Variants in CTNNA3 observed in about 807,000 individuals in gnomAD.
The protein encoded by CTNNA3 is catenin alpha 3.
CTNNA3 carries 76 observed loss-of-function variants against 95.7 expected under a neutral mutation model. That is an observed-to-expected ratio of 0.79 (90% CI 0.66 to 0.96). The LOEUF (loss-of-function observed/expected upper bound fraction) is 0.96, where lower values mean the gene tolerates loss of function less well. CTNNA3 is among the 40% of genes least tolerant of loss of function. The pLI, the probability that CTNNA3 is intolerant of heterozygous loss-of-function variation, is 0.00. For synonymous variants in CTNNA3, 431 were observed against 374.4 expected, an observed-to-expected ratio of 1.15 and a Z score of -1.74; for missense variants, 1,191 against 1,089.8, an observed-to-expected ratio of 1.09 and a Z score of -1.31.
chr10:67,424,297 T>C (rs1845840263), intron 5 of CTNNA3, among the ~76,000 whole-genome samples: 1 of 152,160 alleles, frequency 6.6e-6, no homozygotes, highest in Non-Finnish European at 1.5e-5. Flanking sequence ...AGGCTTTCAA[T>C]TCAATCCTCT....
chr10:67,233,867 G>T lies in CTNNA3; in HGVS notation c.580-13997C>A, dbSNP rs1440336601. The stretch of plus-strand genomic sequence containing the variant: ...CCCACAGAAATAGAAACTACCATCA[G>T]AGAATACTACAAACACCTCTACGCT... On this transcript the variant is annotated intron_variant, in intron 5 of 17. Transcript: ENST00000433211. Among the ~76,000 whole-genome samples the T allele has an allele frequency of 2.0e-5, 3 of 152,312 alleles. No individual in the cohort carries two copies. The East Asian group carries it at 5.8e-4, about 29-fold the overall frequency.
rs557613756 is a variant in CTNNA3 at position 66,127,099 on chromosome 10, G to A, written c.1885-23850C>T. Among the ~76,000 whole-genome samples, 38 of 151,788 alleles carry A rather than the reference G, an allele frequency of 2.5e-4. 3 individuals are homozygous for A. The South Asian group carries it at 7.7e-3, about 31-fold the overall frequency. On this transcript the variant is annotated intron_variant, in intron 13 of 17. Transcript: ENST00000433211. The stretch of plus-strand genomic sequence containing the variant: ...CTGCTGGCTAACACGGTGAAACCCC[G>A]TCTCTACCAAAAATACAAAAAAATT...
intron 17 of CTNNA3, among the ~76,000 whole-genome samples, chr10:65,956,313 A>C (rs1474928830): frequency 6.6e-6 from 1 of 151,822 alleles, no homozygotes; most frequent in African/African-American, 2.4e-5. Context: ...CGGTCTATCA[A>C]TTTTGTTGAT....
In CTNNA3 at chr10:67,654,955, G is replaced by A. The variant is rs77304338; in HGVS notation, c.-5-7437C>T. ...GTAAATAATTAAAGGTTAAATAGTCGAAAACACAGAAATAAAAAACATTCA... is the reference window on the plus strand; with the variant it reads ...GTAAATAATTAAAGGTTAAATAGTCAAAAACACAGAAATAAAAAACATTCA... On this transcript the variant is annotated intron_variant, in intron 1 of 17. Transcript: ENST00000433211. Among the ~76,000 whole-genome samples, 256 of 152,064 alleles carry A rather than the reference G, an allele frequency of 1.7e-3. 1 individual carries two copies. The highest frequency in any genetic ancestry group is 0.014 in the Admixed American group (209 of 15,270).
chr10:66,296,089 C>T (rs1313953689), intron 12 of CTNNA3, among the ~76,000 whole-genome samples: 1 of 152,076 alleles, frequency 6.6e-6, no homozygotes, highest in Non-Finnish European at 1.5e-5. Context: ...TTTACACTTT[C>T]TATTTTTACT....
intron 15 of CTNNA3, among the ~76,000 whole-genome samples, chr10:65,998,540 C>T (rs57318227): frequency 2.0e-5 from 3 of 151,978 alleles, no homozygotes; most frequent in Non-Finnish European, 2.9e-5. Flanking sequence ...CAGAGAATAG[C>T]GCCCTGAAGA....
chr10:66,050,994 CA>C (rs1203722305), intron 15 of CTNNA3, among the ~76,000 whole-genome samples: 1 of 152,118 alleles, frequency 6.6e-6, no homozygotes, highest in African/African-American at 2.4e-5. Context: ...GCTAGGACTA[CA>C]GGTGTGGGCT....
intron 7 of CTNNA3, among the ~76,000 whole-genome samples, chr10:66,943,817 G>A (rs1056083168): frequency 2.0e-5 from 3 of 152,164 alleles, no homozygotes. Context: ...TAAAAGCTAT[G>A]TTTATGCTGT....
intron 9 of CTNNA3, among the ~76,000 whole-genome samples, chr10:66,628,208 T>A (rs907353764): frequency 3.9e-5 from 6 of 152,180 alleles, no homozygotes; most frequent in Admixed American, 2.6e-4. Context: ...TGGAACTGAA[T>A]CATTGTTAAT....
chr10:66,790,440 G>T (rs2132876629), intron 7 of CTNNA3, among the ~76,000 whole-genome samples: 1 of 152,186 alleles, frequency 6.6e-6, no homozygotes, highest in Non-Finnish European at 1.5e-5. Context: ...CTGGGCGACA[G>T]AACAAGACTC....
chr10:67,075,170 G>GCA lies in CTNNA3; in HGVS notation c.1047+105145_1047+105146dup, dbSNP rs57260841. Among the ~76,000 whole-genome samples the GCA allele has an allele frequency of 1.3e-3, 190 of 149,746 alleles. 2 individuals carry two copies. The highest frequency in any genetic ancestry group is 3.5e-3 in the Middle Eastern group (1 of 286). On this transcript the variant is annotated intron_variant, in intron 7 of 17. Coordinates refer to ENST00000433211, the MANE Select transcript of CTNNA3 (RefSeq NM_013266.4). ...TTTTGTGTTGCTTCTAAGGATTTCTGCACACACACACACACACACTCACAC... is the reference window on the plus strand; with the variant it reads ...TTTTGTGTTGCTTCTAAGGATTTCTGCACACACACACACACACACACTCACAC...
intron 12 of CTNNA3, among the ~76,000 whole-genome samples, chr10:66,312,607 CATG>C (rs1281960887): frequency 6.6e-6 from 1 of 151,510 alleles, no homozygotes; most frequent in African/African-American, 2.4e-5. Context: ...AGTACAATGG[CATG>C]ATATCAACTT....
At chr10:66,217,302 G>A (rs890013738) in intron 13 of CTNNA3, among the ~76,000 whole-genome samples, 6 of 147,670 alleles carry the variant, frequency 4.1e-5, no homozygotes, top group Admixed American at 6.8e-5. Context: ...GCAGTGAGCC[G>A]AGATCACGCC....
intron 9 of CTNNA3, among the ~76,000 whole-genome samples, chr10:66,726,083 T>C (rs1378963623): frequency 6.6e-6 from 1 of 152,098 alleles, no homozygotes; most frequent in Non-Finnish European, 1.5e-5. Context: ...GAGTAAAATA[T>C]GTATGTTAAT....
At chr10:66,126,890 T>C (rs2082851276) in intron 13 of CTNNA3, among the ~76,000 whole-genome samples, 1 of 152,146 alleles carries the variant, frequency 6.6e-6, no homozygotes, top group Non-Finnish European at 1.5e-5. Flanking sequence ...AAGTATTATA[T>C]AGCCTGCCCT....
intron 7 of CTNNA3, among the ~76,000 whole-genome samples, chr10:66,937,045 C>T (rs773498734): frequency 6.6e-6 from 1 of 152,050 alleles, no homozygotes. Context: ...GGAGCCAAGG[C>T]AGGGTAAATA....
In CTNNA3 at chr10:66,578,809, T is replaced by C. The variant is rs10997247; in HGVS notation, c.1374+42883A>G. Among the ~76,000 whole-genome samples, 29 of 150,940 alleles carry C rather than the reference T, an allele frequency of 1.9e-4. No individual in the cohort carries two copies. The East Asian group carries it at 5.3e-3, about 27-fold the overall frequency. On this transcript the variant is annotated intron_variant, in intron 10 of 17. Coordinates refer to ENST00000433211, the MANE Select transcript of CTNNA3 (RefSeq NM_013266.4). ...CTTTTTTTTTTTTTGTTTGTTGTTG[T>C]TGTTGTGTCTCTGTCACATTTTGGT...
intron 5 of CTNNA3, among the ~76,000 whole-genome samples, chr10:67,278,904 G>C (rs1163639898): frequency 2.0e-5 from 3 of 152,164 alleles, no homozygotes; most frequent in Non-Finnish European, 2.9e-5. Context: ...TTTATGGTTT[G>C]TAGGGCATGA....
chr10:66,008,703 A>G, intron 15 of CTNNA3, among the ~76,000 whole-genome samples: 1 of 152,228 alleles, frequency 6.6e-6, no homozygotes, highest in East Asian at 1.9e-4. Context: ...GTAAAGATAA[A>G]AGAAACTATT....
Sources: allele counts gnomAD v4.1 joint callset (sites outside exome capture counted in the v4.1 genomes callset), GRCh38; gene constraint gnomAD v4.1.1; transcripts MANE v1.5; gene names NCBI Gene and HGNC (gene_info 2026-07-23, HGNC 2026-07-21).